CNKSR2: variants seen among roughly 807,000 people sequenced by gnomAD.
CNKSR2 encodes CNK homolog protein 2.
In CNKSR2, 14 loss-of-function variants were observed where a neutral mutation model predicts 84.4. The ratio of observed to expected loss-of-function variants is 0.17; its 90% CI spans 0.11 to 0.26. The LOEUF (loss-of-function observed/expected upper bound fraction) is 0.26, where lower values mean the gene tolerates loss of function less well. Among genes scored for constraint, CNKSR2 ranks in the 10% least tolerant of loss-of-function variants. The pLI is 1.00. For missense variants in CNKSR2, 485 were observed against 771.2 expected (o/e 0.63, Z 4.40); for synonymous variants, 275 against 277.9 (o/e 0.99, Z 0.10).
chrX:21,590,994 A>T (rs2092417114), intron 14 of CNKSR2, 28 bp from the exon 15 acceptor site: 3 of 1,158,867 alleles, frequency 2.6e-6, no homozygotes, highest in Admixed American at 2.5e-5. Context: ...ACCTTTGACA[A>T]AATTGAAAGA....
At chrX:21,531,520 T>A (rs1440194477) in intron 10 of CNKSR2, among the ~76,000 whole-genome samples, 1 of 111,140 alleles carries the variant, frequency 9.0e-6, no homozygotes, top group African/African-American at 3.2e-5. Flanking sequence ...TTACTAACAT[T>A]ATACCTACTC....
At chrX:21,604,059 C>A (rs747850834) in intron 18 of CNKSR2, among the ~76,000 whole-genome samples, 37 of 111,740 alleles carry the variant, frequency 3.3e-4, no homozygotes, top group Admixed American at 2.8e-3. Flanking sequence ...GACTAGTTTT[C>A]ATCCTCTAAG....
chrX:21,651,636 C>T (rs182003525), intron 21 of CNKSR2, among the ~76,000 whole-genome samples: 2 of 111,804 alleles, frequency 1.8e-5, no homozygotes, highest in Admixed American at 1.9e-4. Flanking sequence ...ACTTCTCCAT[C>T]CCACCTTCCA....
chrX:21,479,283 T>C (rs747911730), intron 5 of CNKSR2, among the ~76,000 whole-genome samples: 9 of 110,589 alleles, frequency 8.1e-5, no homozygotes, highest in Admixed American at 1.9e-4. Context: ...GGTGTGTGTA[T>C]ACACACACAC....
At chrX:21,406,121 A>G (rs1432006994) in intron 1 of CNKSR2, among the ~76,000 whole-genome samples, 1 of 111,380 alleles carries the variant, frequency 9.0e-6, no homozygotes, top group Non-Finnish European at 1.9e-5. Context: ...CTACAGTCTG[A>G]GTTCTGCCTC....
intron 4 of CNKSR2, among the ~76,000 whole-genome samples, chrX:21,465,294 G>A (rs1265434144): frequency 9.0e-6 from 1 of 111,336 alleles, no homozygotes; most frequent in Non-Finnish European, 1.9e-5. Context: ...TTACATAATA[G>A]TATCTGGAAC....
At chrX:21,434,895 C>T (rs1031771463) in intron 3 of CNKSR2, among the ~76,000 whole-genome samples, 17 of 107,270 alleles carry the variant, frequency 1.6e-4, no homozygotes, top group African/African-American at 4.7e-4. Context: ...TCTCACAGAG[C>T]AGATATTGTT....
At chrX:21,635,451 C>G (rs2092667332) in intron 20 of CNKSR2, among the ~76,000 whole-genome samples, 1 of 91,720 alleles carries the variant, frequency 1.1e-5, no homozygotes, top group African/African-American at 4.0e-5. Context: ...TATATATACA[C>G]CTATATATAT....
intron 13 of CNKSR2, among the ~76,000 whole-genome samples, chrX:21,566,732 G>A (rs2092242166): frequency 9.0e-6 from 1 of 111,514 alleles, no homozygotes; most frequent in African/African-American, 3.3e-5. Flanking sequence ...GTAAAGGGGT[G>A]TGTGCATGCA....
Position 21,531,879 on chromosome X carries a change from G to C in CNKSR2, c.1115G>C (p.Cys372Ser), listed in dbSNP as rs151168016. Residue 372 changes from cysteine (C) to serine (S), a missense_variant, in exon 11 of 22, where the codon TGT becomes TCT. Physicochemically the swap from Cys to Ser is moderately radical, Grantham distance 112. Transcript: ENST00000379510. ...AGGGATGAAAAAGGAAACCTTCCTT[G>C]TGAAGACCTCAGAGGACATATGGTG... ...IPRDEKGNLP[C>S]EDLRGHMVGK... 5 of 1,201,532 alleles carry C rather than the reference G, an allele frequency of 4.2e-6. No homozygotes were observed. In the African/African-American group the frequency reaches 8.8e-5, roughly 21 times the overall value.
At chrX:21,579,866 A>G (rs1401208536) in intron 13 of CNKSR2, among the ~76,000 whole-genome samples, 3 of 111,840 alleles carry the variant, frequency 2.7e-5, no homozygotes, top group Admixed American at 1.9e-4. Flanking sequence ...TGAGGTAACC[A>G]GTTCTGAAGA....
At chrX:21,547,063 A>G (rs2092033409) in intron 11 of CNKSR2, among the ~76,000 whole-genome samples, 2 of 111,922 alleles carry the variant, frequency 1.8e-5, no homozygotes, top group Non-Finnish European at 3.8e-5. Context: ...GACAGAATCA[A>G]ATTCTCACAT....
At chrX:21,606,208 C>T (rs1465986278) in intron 18 of CNKSR2, among the ~76,000 whole-genome samples, 1 of 111,527 alleles carries the variant, frequency 9.0e-6, no homozygotes, top group African/African-American at 3.3e-5. Context: ...TCAGAATTTG[C>T]CATGTGTTTC....
At chrX:21,589,834 G>A (rs1405900570) in intron 13 of CNKSR2, among the ~76,000 whole-genome samples, 1 of 111,454 alleles carries the variant, frequency 9.0e-6, no homozygotes, top group Non-Finnish European at 1.9e-5. Flanking sequence ...AGGCACAAGA[G>A]GGTAGTTAGG....
At chrX:21,416,371 A>G (rs2090422831) in intron 1 of CNKSR2, among the ~76,000 whole-genome samples, 1 of 111,631 alleles carries the variant, frequency 9.0e-6, no homozygotes, top group East Asian at 2.8e-4. Context: ...TTTTGCATCA[A>G]TATTCATCAG....
chrX:21,647,009 C>T (rs1472454081), intron 20 of CNKSR2, among the ~76,000 whole-genome samples: 1 of 111,843 alleles, frequency 8.9e-6, no homozygotes, highest in African/African-American at 3.2e-5. Context: ...ATCTTGCTTC[C>T]ATTTTGTTCA....
chrX:21,566,274 G>T (rs990471386), intron 13 of CNKSR2, among the ~76,000 whole-genome samples: 1 of 112,044 alleles, frequency 8.9e-6, no homozygotes, highest in African/African-American at 3.2e-5. Context: ...ATCTATTGCT[G>T]GGACAACAGA....
At chrX:21,562,037 A>T (rs776689336) in intron 12 of CNKSR2, among the ~76,000 whole-genome samples, 1 of 109,513 alleles carries the variant, frequency 9.1e-6, no homozygotes, top group Non-Finnish European at 1.9e-5. Flanking sequence ...AGAAAAAAAA[A>T]AAACCGTGCT....
At chrX:21,629,815 T>A (rs752401032) in intron 20 of CNKSR2, among the ~76,000 whole-genome samples, 1 of 112,416 alleles carries the variant, frequency 8.9e-6, no homozygotes, top group Admixed American at 9.4e-5. Flanking sequence ...AAATCCCATT[T>A]ATATTAACAG....
Sources: allele counts gnomAD v4.1 joint callset (sites outside exome capture counted in the v4.1 genomes callset), GRCh38; gene constraint gnomAD v4.1.1; transcripts MANE v1.5; gene names NCBI Gene and HGNC (gene_info 2026-07-23, HGNC 2026-07-21).